CTTN: variants seen among roughly 807,000 people sequenced by gnomAD.
CTTN encodes src substrate cortactin.
Under a neutral mutation model 84.0 loss-of-function variants are expected in CTTN, and 28 were observed. That is an observed-to-expected ratio of 0.33 (90% CI 0.25 to 0.46). The LOEUF is 0.46. Among genes scored for constraint, CTTN ranks in the 20% least tolerant of loss-of-function variants. The pLI, the probability that CTTN is intolerant of heterozygous loss-of-function variation, is 1.00. For synonymous variants in CTTN, 301 were observed against 288.8 expected (o/e 1.04, Z -0.43); for missense variants, 641 against 723.8 (o/e 0.89, Z 1.31).
At chr11:70,405,068 T>G (rs2058027425) in intron 1 of CTTN, among the ~76,000 whole-genome samples, 197 bp from the exon 2 acceptor site, 1 of 152,238 alleles carries the variant, frequency 6.6e-6, no homozygotes, top group Non-Finnish European at 1.5e-5. Flanking sequence ...AACTTATTTC[T>G]TTAGTTTCTC....
chr11:70,427,092 G>A (rs2135589771), intron 13 of CTTN, among the ~76,000 whole-genome samples: 1 of 150,952 alleles, frequency 6.6e-6, no homozygotes. Context: ...GCTCATACCT[G>A]TAATCCCAGC....
chr11:70,407,115 T>C (rs1316504512), intron 2 of CTTN, among the ~76,000 whole-genome samples, 183 bp from the exon 3 acceptor site: 1 of 152,076 alleles, frequency 6.6e-6, no homozygotes, highest in Admixed American at 6.6e-5. Flanking sequence ...AACCCCGAGG[T>C]GAAATTTCTT....
intron 1 of CTTN, among the ~76,000 whole-genome samples, chr11:70,403,135 A>C (rs962034570): frequency 9.9e-5 from 15 of 151,098 alleles, no homozygotes; most frequent in Non-Finnish European, 1.8e-4. Context: ...CAGATCCTTC[A>C]ATCATTTTTA....
intron 8 of CTTN, 134 bp from the exon 9 acceptor site, chr11:70,419,612 A>G (rs951543462): frequency 2.9e-6 from 2 of 679,710 alleles, no homozygotes; most frequent in Non-Finnish European, 2.5e-6. Context: ...GCACCTTTAA[A>G]TACTGTCTGT....
rs2135605510 is a variant in CTTN at position 70,436,298 on chromosome 11, C to G, written c.*1136C>G. 1.9e-6 allele frequency: 3 copies of G among 1,598,214 alleles called. No homozygotes were observed. In the Admixed American group the frequency reaches 5.0e-5, roughly 27 times the overall value. ...ACTTTGTAGGAAACTCATCTCCTTC[C>G]TGAGGAGCCGGGAGGCTGGACCAGT... On this transcript the variant is annotated 3_prime_UTR_variant, in exon 18 of 18. Transcript: ENST00000301843.
intron 5 of CTTN, among the ~76,000 whole-genome samples, chr11:70,411,343 C>A (rs2058094353): frequency 7.9e-6 from 1 of 125,934 alleles, no homozygotes; most frequent in Admixed American, 8.0e-5. Context: ...CGTGTGCACA[C>A]GGACAGACGG....
intron 1 of CTTN, among the ~76,000 whole-genome samples, chr11:70,404,711 ACAT>A (rs2135549838): frequency 6.6e-6 from 1 of 152,378 alleles, no homozygotes; most frequent in African/African-American, 2.4e-5. Flanking sequence ...TTCATAAGAA[ACAT>A]CATGTAGGCC....
chr11:70,426,688 C>T (rs1246614472), intron 13 of CTTN, among the ~76,000 whole-genome samples: 2 of 151,510 alleles, frequency 1.3e-5, no homozygotes, highest in South Asian at 2.1e-4. Flanking sequence ...CCCGGGTTCA[C>T]GGCATTCTCC....
intron 8 of CTTN, among the ~76,000 whole-genome samples, chr11:70,418,853 T>C (rs964587378): frequency 1.7e-4 from 25 of 151,368 alleles, no homozygotes; most frequent in African/African-American, 6.1e-4. Context: ...CTCAGCTCAG[T>C]GCAACCTCCT....
intron 5 of CTTN, among the ~76,000 whole-genome samples, chr11:70,414,111 C>T (rs930554461): frequency 2.0e-5 from 3 of 151,828 alleles, no homozygotes; most frequent in South Asian, 4.2e-4. Context: ...TTTGGGAGGC[C>T]GAGGCGGGTG....
intron 13 of CTTN, among the ~76,000 whole-genome samples, chr11:70,428,647 A>C (rs2058323731): frequency 6.6e-6 from 1 of 152,218 alleles, no homozygotes; most frequent in Non-Finnish European, 1.5e-5. Flanking sequence ...CAATATAAAA[A>C]AATGTATACT....
At chr11:70,434,998 G>T in intron 17 of CTTN, 28 bp from the exon 18 acceptor site, 2 of 1,612,168 alleles carry the variant, frequency 1.2e-6, no homozygotes. Context: ...TTGCACTTCA[G>T]CATCTTTCTC....
In CTTN at chr11:70,423,130, G is replaced by C. The variant is rs1591445225; in HGVS notation, c.957+135G>C. The stretch of plus-strand genomic sequence containing the variant: ...TTCCGTCGTGGTGGTGGTGGTGGTG[G>C]CGATGACTGACTCGGACAGTCTTGT... On this transcript the variant is annotated intron_variant, in intron 12 of 17. Coordinates refer to ENST00000301843, the MANE Select transcript of CTTN (RefSeq NM_005231.4). 6 of 1,082,980 alleles carry C rather than the reference G, an allele frequency of 5.5e-6. No individual in the cohort carries two copies. The East Asian group carries it at 1.5e-4, about 28-fold the overall frequency. 67.1% of individuals were successfully genotyped at this position (1,082,980 alleles called of 1,614,324 possible). A position where few individuals can be genotyped will look rare whatever the true frequency, so the allele number is the denominator to read the frequency against.
intron 13 of CTTN, among the ~76,000 whole-genome samples, chr11:70,428,230 A>C (rs1455921823): frequency 1.5e-5 from 2 of 134,334 alleles, no homozygotes; most frequent in Admixed American, 1.8e-4. Context: ...CAGTGGCACA[A>C]TCTCGGCTCA....
At chr11:70,414,119 G>A (rs2058128394) in intron 5 of CTTN, among the ~76,000 whole-genome samples, 1 of 152,122 alleles carries the variant, frequency 6.6e-6, no homozygotes, top group African/African-American at 2.4e-5. Flanking sequence ...GCCGAGGCGG[G>A]TGGATCACAA....
chr11:70,406,120 A>C (rs1176890491), intron 2 of CTTN, among the ~76,000 whole-genome samples: 1 of 152,242 alleles, frequency 6.6e-6, no homozygotes, highest in Non-Finnish European at 1.5e-5. Flanking sequence ...TGCTTTGGGC[A>C]TTGACAGAAG....
chr11:70,405,340 T>C lies in CTTN; in HGVS notation c.-22T>C, dbSNP rs1451628823. The C allele has an allele frequency of 6.6e-6, 1 of 152,206 alleles. No homozygotes were observed. The highest frequency in any genetic ancestry group is 3.2e-3 in the Middle Eastern group (1 of 316). The allele number at this position is 152,206 out of a possible 1,614,324, so 9.4% of individuals were successfully genotyped here. On this transcript the variant is annotated 5_prime_UTR_variant, in exon 2 of 18. Coordinates refer to ENST00000301843, the MANE Select transcript of CTTN (RefSeq NM_005231.4). ...TAAACAGAATTTCGTGAACAGCCTT[T>C]TATCTCCAAGCGGAAAGAAAGGTAC...
At chr11:70,420,173 G>A (rs2058214126) in intron 9 of CTTN, 6 of 598,486 alleles carry the variant, frequency 1.0e-5, no homozygotes, top group South Asian at 6.2e-5. Flanking sequence ...GCTTCCATGG[G>A]GTCCTGTCTG....
chr11:70,420,157 G>C, intron 9 of CTTN: 1 of 596,880 alleles, frequency 1.7e-6, no homozygotes, highest in Non-Finnish European at 3.0e-6. Context: ...AGCCGCATGC[G>C]TGGGAGCTTC....
Sources: allele counts gnomAD v4.1 joint callset (sites outside exome capture counted in the v4.1 genomes callset), GRCh38; gene constraint gnomAD v4.1.1; transcripts MANE v1.5; gene names NCBI Gene and HGNC (gene_info 2026-07-23, HGNC 2026-07-21).